PKP2: variants seen among roughly 807,000 people sequenced by gnomAD.
PKP2 encodes the protein plakophilin 2.
A neutral mutation model predicts 83.4 loss-of-function variants in PKP2; 73 were observed. That is an observed-to-expected ratio of 0.88 (90% confidence interval 0.72 to 1.06). The LOEUF is 1.06. Ranked by LOEUF, PKP2 falls within the 50% of genes least tolerant of loss-of-function variation. The probability of loss-of-function intolerance (pLI) is 0.00; values close to 1 mark genes in which losing one functional copy is unlikely to be tolerated. For missense variants in PKP2, 966 were observed against 1,065.4 expected, an observed-to-expected ratio of 0.91 and a Z score of 1.30; for synonymous variants, 409 against 430.4, an observed-to-expected ratio of 0.95 and a Z score of 0.62.
In PKP2 at chr12:32,878,069, C is replaced by G; in HGVS notation, c.811G>C (p.Val271Leu). 3.1e-6 allele frequency: 5 copies of G among 1,614,072 alleles called. No individual in the cohort carries two copies. Among genetic ancestry groups the G allele is most frequent in the Non-Finnish European group, 4.2e-6 (5 of 1,180,046 alleles). ...GGCTGCAGGGGCACCAGCGGCCTGACCTGCCCGACAGTGAGCCCTGCCGTC... is the reference window on the plus strand; with the variant it reads ...GGCTGCAGGGGCACCAGCGGCCTGAGCTGCCCGACAGTGAGCCCTGCCGTC... Reference protein sequence around the residue: ...YLTAGLTVGQVRPLVPLQPVT... With the variant: ...YLTAGLTVGQLRPLVPLQPVT... Residue 271 changes from valine (V) to leucine (L), a missense_variant, in exon 3 of 13, where the codon GTC becomes CTC. Transcript: ENST00000340811.
intron 9 of PKP2, among the ~76,000 whole-genome samples, chr12:32,813,910 A>C (rs1048988608): frequency 6.6e-6 from 1 of 152,182 alleles, no homozygotes; most frequent in African/African-American, 2.4e-5. Flanking sequence ...AAGGAATTTA[A>C]TTACTATTTT....
chr12:32,813,443 T>C (rs796164845), intron 9 of PKP2, among the ~76,000 whole-genome samples: 22 of 152,352 alleles, frequency 1.4e-4, no homozygotes, highest in African/African-American at 5.0e-4. Context: ...TCATGTCTTA[T>C]TGTTTTTATA....
At chr12:32,824,618 A>T (rs1478711123) in intron 6 of PKP2, among the ~76,000 whole-genome samples, 1 of 152,206 alleles carries the variant, frequency 6.6e-6, no homozygotes, top group South Asian at 2.1e-4. Flanking sequence ...GTTGGACTAC[A>T]TTCTTTGTGG....
At chr12:32,863,833 G>T (rs1034313018) in intron 4 of PKP2, among the ~76,000 whole-genome samples, 6 of 152,190 alleles carry the variant, frequency 3.9e-5, no homozygotes, top group African/African-American at 1.4e-4. Flanking sequence ...TATGAGACTA[G>T]TATTACCCAC....
chr12:32,801,375 A>AC (rs143438810), intron 10 of PKP2, among the ~76,000 whole-genome samples: 31,181 of 152,066 alleles, frequency 0.21, 3,833 homozygotes, highest in East Asian at 0.56. Context: ...ACAAAAGACC[A>AC]TGGGGAGAGC....
At chr12:32,860,537 G>A (rs73090767) in intron 4 of PKP2, among the ~76,000 whole-genome samples, 1 of 152,204 alleles carries the variant, frequency 6.6e-6, no homozygotes, top group Non-Finnish European at 1.5e-5. Context: ...TGCTGCTCTG[G>A]TTCCACTTAA....
intron 5 of PKP2, among the ~76,000 whole-genome samples, chr12:32,850,440 A>T (rs1956685534): frequency 6.6e-6 from 1 of 152,032 alleles, no homozygotes; most frequent in Admixed American, 6.6e-5. Context: ...GTGGTAGCAC[A>T]TGCCTGTAAT....
intron 3 of PKP2, among the ~76,000 whole-genome samples, chr12:32,871,509 A>G (rs1165130638): frequency 1.3e-5 from 2 of 151,780 alleles, no homozygotes; most frequent in African/African-American, 4.8e-5. Flanking sequence ...TCTGTCACCC[A>G]GGCTGGAGTG....
At chr12:32,825,172 T>C (rs1224062095) in intron 6 of PKP2, among the ~76,000 whole-genome samples, 1 of 141,110 alleles carries the variant, frequency 7.1e-6, no homozygotes, top group African/African-American at 2.6e-5. Flanking sequence ...CTTTTTTTTT[T>C]TTTTTTTTTT....
intron 10 of PKP2, among the ~76,000 whole-genome samples, chr12:32,797,465 A>C (rs1190650555): frequency 6.7e-6 from 1 of 149,920 alleles, no homozygotes; most frequent in Non-Finnish European, 1.5e-5. Context: ...AAAAAAAAGA[A>C]TACATACTAT....
At chr12:32,839,686 G>C (rs1956572352) in intron 6 of PKP2, among the ~76,000 whole-genome samples, 1 of 152,100 alleles carries the variant, frequency 6.6e-6, no homozygotes, top group Non-Finnish European at 1.5e-5. Context: ...ATTTTCAATG[G>C]AAAGAGTCCT....
chr12:32,880,267 G>A (rs1309953417), intron 1 of PKP2, among the ~76,000 whole-genome samples: 4 of 151,794 alleles, frequency 2.6e-5, no homozygotes, highest in African/African-American at 9.7e-5. Context: ...GGGGGTGGTG[G>A]TGGGCGCCTG....
chr12:32,800,630 C>T (rs540570064), intron 10 of PKP2, among the ~76,000 whole-genome samples: 4 of 152,250 alleles, frequency 2.6e-5, no homozygotes, highest in East Asian at 1.9e-4. Flanking sequence ...ATAATGTCTA[C>T]GTCACAGGGT....
At chr12:32,869,090 G>T in intron 3 of PKP2, 28 bp from the exon 4 acceptor site, 1 of 1,613,138 alleles carries the variant, frequency 6.2e-7, no homozygotes, top group Non-Finnish European at 8.5e-7. Context: ...GATTCAGCCA[G>T]ATTCCAAACC....
Position 32,816,257 on chromosome 12 carries a change from C to T in PKP2, c.2013+5099G>A, listed in dbSNP as rs186728651. Among the ~76,000 whole-genome samples, 725 of 152,108 alleles carry T rather than the reference C, an allele frequency of 4.8e-3. 2 individuals are homozygous for T. The highest frequency in any genetic ancestry group is 7.5e-3 in the Non-Finnish European group (507 of 67,994). On this transcript the variant is annotated intron_variant, in intron 9 of 12. Transcript: ENST00000340811. ...TCCTTCTCTCCCTCTTCTTGTAGTC[C>T]CCAGTGTCTATTGTTGCCATCTGTA...
chr12:32,796,846 T>C (rs1377769295), intron 10 of PKP2, among the ~76,000 whole-genome samples: 1 of 152,222 alleles, frequency 6.6e-6, no homozygotes, highest in African/African-American at 2.4e-5. Context: ...TTGGCAGAAA[T>C]GTCAAGAACT....
At chr12:32,867,427 G>T (rs528032042) in intron 4 of PKP2, among the ~76,000 whole-genome samples, 129 of 152,188 alleles carry the variant, frequency 8.5e-4, no homozygotes, top group Non-Finnish European at 1.6e-3. Context: ...ACAAGAAAAC[G>T]CTGGAGGTAA....
intron 6 of PKP2, among the ~76,000 whole-genome samples, chr12:32,826,730 C>A (rs1956445752): frequency 6.6e-6 from 1 of 152,194 alleles, no homozygotes; most frequent in Admixed American, 6.5e-5. Context: ...GATCCTCTAT[C>A]TACTTTGTGA....
Position 32,896,723 on chromosome 12 carries a change from G to T in PKP2, c.9C>A (p.Ala3=). 1 of 1,461,728 alleles carries T rather than the reference G, an allele frequency of 6.8e-7. No individual in the cohort carries two copies. The highest frequency in any genetic ancestry group is 9.0e-7 in the Non-Finnish European group (1 of 1,107,380). 90.5% of individuals were successfully genotyped at this position (1,461,728 alleles called of 1,614,324 possible). Residue 3 remains alanine (A), a synonymous_variant, in exon 1 of 13, where the codon GCC becomes GCA. Transcript: ENST00000340811. The part of the protein sequence containing the change: MA[A]PGAPAEYGYI... The stretch of plus-strand genomic sequence containing the variant: ...AGCCGTACTCAGCTGGGGCGCCGGG[G>T]GCTGCCATGGGGCCGGTGGGGGCGA...
Sources: allele counts gnomAD v4.1 joint callset (sites outside exome capture counted in the v4.1 genomes callset), GRCh38; gene constraint gnomAD v4.1.1; transcripts MANE v1.5; gene names NCBI Gene and HGNC (gene_info 2026-07-23, HGNC 2026-07-21).